Variants in TOX4 observed in about 807,000 individuals in gnomAD.
TOX4 encodes the protein epidermal Langerhans cell protein LCP1.
TOX4 carries 12 observed loss-of-function variants against 61.0 expected under a neutral mutation model. That is an observed-to-expected ratio of 0.20 (90% CI 0.13 to 0.32). TOX4 has a LOEUF of 0.32. Ranked by LOEUF, TOX4 falls within the 10% of genes least tolerant of loss-of-function variation. The pLI, the probability that TOX4 is intolerant of heterozygous loss-of-function variation, is 1.00. For synonymous variants in TOX4, 268 were observed against 274.8 expected (o/e 0.98, Z 0.24); for missense variants, 499 against 753.3 (o/e 0.66, Z 3.95).
At chr14:21,486,306 G>C (rs374253350) in intron 2 of TOX4, among the ~76,000 whole-genome samples, 2 of 107,880 alleles carry the variant, frequency 1.9e-5, no homozygotes, top group East Asian at 3.4e-4. Context: ...TAGATTGATA[G>C]AATTTAAAGT....
At chr14:21,483,922 C>T (rs1290983086) in intron 2 of TOX4, among the ~76,000 whole-genome samples, 1 of 152,064 alleles carries the variant, frequency 6.6e-6, no homozygotes, top group Non-Finnish European at 1.5e-5. Flanking sequence ...ATTCTCGTGC[C>T]TCAGCCACCT....
chr14:21,497,958 C>T lies in TOX4; in HGVS notation c.*1352C>T, dbSNP rs57576078. ...TCGGCTTCCCAAAGTGCTCGGATTACAGGTGTGAGCCACTGTGCCTAGCCT... is the reference window on the plus strand; with the variant it reads ...TCGGCTTCCCAAAGTGCTCGGATTATAGGTGTGAGCCACTGTGCCTAGCCT... On this transcript the variant is annotated 3_prime_UTR_variant, in exon 9 of 9. Transcript: ENST00000448790. 984 of 273,384 alleles carry T rather than the reference C, an allele frequency of 3.6e-3. 9 individuals carry two copies. The highest frequency in any genetic ancestry group is 0.021 in the African/African-American group (930 of 45,250). 16.9% of individuals were successfully genotyped at this position (273,384 alleles called of 1,614,324 possible). A position where few individuals can be genotyped will look rare whatever the true frequency, so the allele number is the denominator to read the frequency against.
chr14:21,490,682 T>C (rs1435978977), intron 5 of TOX4, among the ~76,000 whole-genome samples: 1 of 152,202 alleles, frequency 6.6e-6, no homozygotes, highest in African/African-American at 2.4e-5. Context: ...TAATTCCTCA[T>C]GTAGTGTCCT....
At chr14:21,492,030 TAAAA>T (rs1891301902) in intron 5 of TOX4, 2 of 264,790 alleles carry the variant, frequency 7.6e-6, no homozygotes, top group Non-Finnish European at 1.4e-5. Context: ...TTAAAAAAAA[TAAAA>T]TAAATGTAGC....
chr14:21,477,628 G>A, intron 2 of TOX4, 64 bp downstream of exon 2: 9 of 1,574,814 alleles, frequency 5.7e-6, no homozygotes, highest in Non-Finnish European at 7.8e-6. Flanking sequence ...AGGGTAGTGG[G>A]GAGGAGAGCA....
intron 2 of TOX4, among the ~76,000 whole-genome samples, chr14:21,479,912 T>G (rs770322779): frequency 1.3e-5 from 2 of 152,214 alleles, no homozygotes; most frequent in Non-Finnish European, 2.9e-5. Context: ...CTTTCAAGTT[T>G]ACCCACTGTT....
rs536372107 is a variant in TOX4, at chr14:21,495,299, G to A, written c.1712G>A (p.Arg571Gln). The A allele has an allele frequency of 2.0e-5, 33 of 1,614,036 alleles. No individual in the cohort carries two copies. Among genetic ancestry groups the A allele is most frequent in the Admixed American group, 8.3e-5 (5 of 60,002 alleles). Residue 571 changes from arginine to glutamine, a missense_variant, in exon 8 of 9, where the codon CGA becomes CAA. Physicochemically the swap from Arg to Gln is conservative, Grantham distance 43. Transcript: ENST00000448790. The stretch of plus-strand genomic sequence containing the variant: ...CCTGTGGCACTCTCACCCCAGCCTC[G>A]ATGTGTGAGGTCTGGTTGTGAGAAC... ...GSPVALSPQP[R>Q]CVRSGCENPP...
At chr14:21,479,339 A>G (rs1005100531) in intron 2 of TOX4, among the ~76,000 whole-genome samples, 3 of 150,386 alleles carry the variant, frequency 2.0e-5, no homozygotes, top group Non-Finnish European at 4.4e-5. Flanking sequence ...TATAAAAGAT[A>G]ATAATAATTA....
At position 21,499,028 on chromosome 14, in the gene TOX4, T is replaced by C. The variant is rs1891486535; in HGVS notation, c.*2422T>C. ...GCCTGTTCTCTGGTCACCTTACCAG[T>C]TGGGTTGCACATTGTGTGGTCGTCC... On this transcript the variant is annotated 3_prime_UTR_variant, in exon 9 of 9. Coordinates refer to ENST00000448790, the MANE Select transcript of TOX4 (RefSeq NM_014828.4). The C allele has an allele frequency of 1.9e-6, 3 of 1,611,408 alleles. No homozygotes were observed. Among genetic ancestry groups the C allele is most frequent in the Non-Finnish European group, 2.5e-6 (3 of 1,177,534 alleles).
chr14:21,498,172 G>T lies in TOX4; in HGVS notation c.*1566G>T. The stretch of plus-strand genomic sequence containing the variant: ...CAATACAAATGTTTATTTAAATAAA[G>T]AAGAAAGCTATTGTACAAATATCAC... On this transcript the variant is annotated 3_prime_UTR_variant, in exon 9 of 9. Coordinates refer to ENST00000448790, the MANE Select transcript of TOX4 (RefSeq NM_014828.4). 1.3e-6 allele frequency: 1 copy of T among 798,480 alleles called. No homozygotes were observed. Among genetic ancestry groups the T allele is most frequent in the Non-Finnish European group, 2.1e-6 (1 of 473,518 alleles). The allele number at this position is 798,480 out of a possible 1,614,324, so 49.5% of individuals were successfully genotyped here. A position where few individuals can be genotyped will look rare whatever the true frequency, so the allele number is the denominator to read the frequency against.
intron 2 of TOX4, chr14:21,482,495 T>G: frequency 4.5e-6 from 2 of 441,776 alleles, no homozygotes; most frequent in Non-Finnish European, 4.6e-6. Flanking sequence ...ATTTTTGATT[T>G]TTTGGTTCTC....
chr14:21,499,027 G>A lies in TOX4; in HGVS notation c.*2421G>A. On this transcript the variant is annotated 3_prime_UTR_variant, in exon 9 of 9. Transcript: ENST00000448790. ...AGCCTGTTCTCTGGTCACCTTACCA[G>A]TTGGGTTGCACATTGTGTGGTCGTC... 6.2e-7 allele frequency: 1 copy of A among 1,610,906 alleles called. No individual in the cohort carries two copies. Among genetic ancestry groups the A allele is most frequent in the Middle Eastern group, 1.7e-4 (1 of 6,056 alleles).
Position 21,497,476 on chromosome 14 carries a change from G to A in TOX4, c.*870G>A, listed in dbSNP as rs527570543. The A allele has an allele frequency of 4.0e-5, 6 of 149,958 alleles. No individual in the cohort carries two copies. In the South Asian group the frequency reaches 6.3e-4, roughly 16 times the overall value. The allele number at this position is 149,958 out of a possible 1,614,324, so 9.3% of individuals were successfully genotyped here. A position where few individuals can be genotyped will look rare whatever the true frequency, so the allele number is the denominator to read the frequency against. ...GAGAACCTCCTCCTCAACCAGCTAC[G>A]TACATAGTTTTATCCTATGCATTCC... On this transcript the variant is annotated 3_prime_UTR_variant, in exon 9 of 9. Coordinates refer to ENST00000448790, the MANE Select transcript of TOX4 (RefSeq NM_014828.4).
chr14:21,483,387 C>CTTTTT (rs34480307), intron 2 of TOX4, among the ~76,000 whole-genome samples: 1 of 143,228 alleles, frequency 7.0e-6, no homozygotes, highest in Non-Finnish European at 1.5e-5. Flanking sequence ...GTTCCTATAA[C>CTTTTT]TTTTTTTTTT....
At chr14:21,489,148 A>T (rs775059241) in intron 4 of TOX4, 25 bp from the exon 5 acceptor site, 3 of 1,606,068 alleles carry the variant, frequency 1.9e-6, no homozygotes, top group South Asian at 2.2e-5. Flanking sequence ...CCATTGTGTA[A>T]TTCTCTCTTT....
In TOX4 at chr14:21,498,271, G is replaced by T. The variant is rs977389383; in HGVS notation, c.*1665G>T. On this transcript the variant is annotated 3_prime_UTR_variant, in exon 9 of 9. Coordinates refer to ENST00000448790, the MANE Select transcript of TOX4 (RefSeq NM_014828.4). ...AAGGAAGTGCTTCTATAAATTCTTAGGTTTAGAGATGATACCATCTGGGTA... is the reference window on the plus strand; with the variant it reads ...AAGGAAGTGCTTCTATAAATTCTTATGTTTAGAGATGATACCATCTGGGTA... 2 of 1,587,798 alleles carry T rather than the reference G, an allele frequency of 1.3e-6. No homozygotes were observed. The highest frequency in any genetic ancestry group is 1.7e-6 in the Non-Finnish European group (2 of 1,156,034).
chr14:21,480,298 T>A (rs1311052701), intron 2 of TOX4, among the ~76,000 whole-genome samples: 1 of 152,224 alleles, frequency 6.6e-6, no homozygotes. Flanking sequence ...TAAGAAATCT[T>A]ATTTTATTTT....
intron 2 of TOX4, among the ~76,000 whole-genome samples, chr14:21,484,115 T>G (rs1891155847): frequency 6.6e-6 from 1 of 152,134 alleles, no homozygotes; most frequent in African/African-American, 2.4e-5. Context: ...AGCTGAGAAC[T>G]GTGTGTTCTT....
At position 21,493,137 on chromosome 14, in the gene TOX4, A is replaced by C. The variant is rs187762616; in HGVS notation, c.1521A>C (p.Leu507Phe). The change falls in exon 7 of 9, where the codon TTA becomes TTC. Residue 507 changes from leucine (L) to phenylalanine (F), a missense_variant. This residue lies in a region of TOX4 where 296 missense variants were observed against 404.7 expected (regional missense o/e 0.73). Transcript: ENST00000448790. ...PLPTLKMQTT[L>F]VPPTVESSPE... is the part of the protein sequence containing the mutation. The stretch of plus-strand genomic sequence containing the variant: ...CCACTTTGAAAATGCAGACTACCTT[A>C]GTCCCACCAACTGTGGAAAGTAGTC... 3.7e-6 allele frequency: 6 copies of C among 1,613,662 alleles called. No individual in the cohort carries two copies. The highest frequency in any genetic ancestry group is 1.7e-6 in the Non-Finnish European group (2 of 1,180,026).
Sources: gnomAD v4.1 joint callset for allele counts (sites outside exome capture counted in the v4.1 genomes callset) on GRCh38, gnomAD v4.1.1 for gene constraint, gnomAD v4.1.1 regional missense constraint, MANE v1.5 for transcripts, NCBI Gene and HGNC (gene_info 2026-07-23, HGNC 2026-07-21) for gene names.